Variants in KLRG2 observed in about 807,000 individuals in gnomAD.
KLRG2 encodes killer cell lectin like receptor G2.
Under a neutral mutation model 35.4 loss-of-function variants are expected in KLRG2, and 39 were observed. The observed-to-expected ratio is 1.10, with a 90% confidence interval of 0.85 to 1.44. KLRG2 has a LOEUF of 1.44. Among genes scored for constraint, KLRG2 ranks in the 40% most tolerant of loss-of-function variants. KLRG2 has a pLI of 0.00. For synonymous variants in KLRG2, 283 were observed against 265.8 expected (o/e 1.06, Z -0.63); for missense variants, 632 against 570.9 (o/e 1.11, Z -1.09).
downstream of KLRG2, among the ~76,000 whole-genome samples, chr7:139,449,055 G>A (rs757646942): frequency 2.0e-5 from 3 of 150,200 alleles, no homozygotes; most frequent in South Asian, 2.1e-4. Flanking sequence ...GCAGTGAGCC[G>A]AGATCGCACC....
chr7:139,430,078 G>A, the KLRG2 span, among the ~76,000 whole-genome samples: 1 of 152,202 alleles, frequency 6.6e-6, no homozygotes, highest in Non-Finnish European at 1.5e-5. Flanking sequence ...GCACATAAAA[G>A]GAGAATCACC....
the KLRG2 span, among the ~76,000 whole-genome samples, chr7:139,437,075 C>T: frequency 1.3e-5 from 2 of 152,166 alleles, no homozygotes; most frequent in Admixed American, 6.6e-5. Context: ...GTGAGAAAGA[C>T]GCCACTGTGC....
the KLRG2 span, among the ~76,000 whole-genome samples, chr7:139,434,046 T>C: frequency 6.6e-6 from 1 of 152,258 alleles, no homozygotes; most frequent in South Asian, 2.1e-4. Flanking sequence ...TGGGAGGAGC[T>C]GAAAGGCTCC....
In KLRG2 at chr7:139,483,386, C is replaced by A; in HGVS notation, c.257G>T (p.Gly86Val). Residue 86 changes from glycine (G) to valine (V), a missense_variant, in exon 1 of 5, where the codon GGC becomes GTC. Transcript: ENST00000340940. ...GSPRVPPLSL[G>V]YGVCPEPPSP... is the part of the protein sequence containing the mutation. ...CGGCGGCTCGGGGCAGACCCCGTAG[C>A]CCAGGCTGAGCGGCGGCACGCGCGG... 6.5e-7 allele frequency: 1 copy of A among 1,540,094 alleles called. No homozygotes were observed. Among genetic ancestry groups the A allele is most frequent in the Non-Finnish European group, 8.7e-7 (1 of 1,155,366 alleles).
chr7:139,474,652 T>C (rs1218751720), intron 3 of KLRG2, among the ~76,000 whole-genome samples: 2 of 152,106 alleles, frequency 1.3e-5, no homozygotes, highest in African/African-American at 4.8e-5. Flanking sequence ...TTCCAACTAC[T>C]TGGGAGGCTG....
chr7:139,477,536 AAGAG>A (rs1008074250), intron 3 of KLRG2, among the ~76,000 whole-genome samples: 1 of 151,968 alleles, frequency 6.6e-6, no homozygotes, highest in South Asian at 2.1e-4. Context: ...GTTCAAACCA[AAGAG>A]AGAGAGAGAA....
chr7:139,481,767 T>C (rs1415456853), intron 1 of KLRG2, among the ~76,000 whole-genome samples: 1 of 151,864 alleles, frequency 6.6e-6, no homozygotes, highest in Non-Finnish European at 1.5e-5. Flanking sequence ...CTACCAAAAA[T>C]ACAAAAACTA....
At chr7:139,472,662 T>C (rs1796779106) in intron 3 of KLRG2, among the ~76,000 whole-genome samples, 1 of 151,218 alleles carries the variant, frequency 6.6e-6, no homozygotes, top group African/African-American at 2.4e-5. Context: ...TGTAACAGCC[T>C]CATAGAGCTG....
intron 3 of KLRG2, among the ~76,000 whole-genome samples, chr7:139,455,361 G>A (rs1242085339): frequency 1.2e-4 from 15 of 127,486 alleles, no homozygotes; most frequent in Admixed American, 5.0e-4. Context: ...TCGCTCTGTT[G>A]CCCAGGCTGG....
chr7:139,445,795 G>GTATATA, the KLRG2 span, among the ~76,000 whole-genome samples: 20 of 92,100 alleles, frequency 2.2e-4, 2 homozygotes, highest in African/African-American at 1.6e-3. Flanking sequence ...ATATATATGT[G>GTATATA]TGTATATATA....
the KLRG2 span, among the ~76,000 whole-genome samples, chr7:139,433,499 A>AT: frequency 6.6e-6 from 1 of 151,398 alleles, no homozygotes; most frequent in African/African-American, 2.4e-5. Flanking sequence ...CTAATTTTGT[A>AT]TTTTTTAGTA....
the KLRG2 span, among the ~76,000 whole-genome samples, chr7:139,441,485 G>A: frequency 3.5e-4 from 53 of 152,138 alleles, no homozygotes; most frequent in Non-Finnish European, 6.6e-4. Context: ...GTGGGGGACT[G>A]GGGGAGGGAT....
chr7:139,451,912 C>T (rs1248151277), downstream of KLRG2, among the ~76,000 whole-genome samples: 1 of 151,510 alleles, frequency 6.6e-6, no homozygotes, highest in African/African-American at 2.4e-5. Flanking sequence ...TTTTGATTGG[C>T]GCCTGCCCCA....
At chr7:139,438,542 C>A in the KLRG2 span, among the ~76,000 whole-genome samples, 2 of 151,988 alleles carry the variant, frequency 1.3e-5, no homozygotes, top group African/African-American at 4.8e-5. Context: ...AATGAGATAC[C>A]ACCATACACC....
intron 3 of KLRG2, among the ~76,000 whole-genome samples, chr7:139,479,100 T>C (rs536344055): frequency 6.6e-6 from 1 of 152,146 alleles, no homozygotes; most frequent in Admixed American, 6.5e-5. Context: ...TTATTTATTT[T>C]GAGACGGAGC....
chr7:139,438,251 TGGA>T, the KLRG2 span, among the ~76,000 whole-genome samples: 1 of 152,208 alleles, frequency 6.6e-6, no homozygotes, highest in African/African-American at 2.4e-5. Context: ...ATTTTTGAGA[TGGA>T]GGTGTCTCAC....
chr7:139,482,771 A>C, intron 1 of KLRG2, 115 bp downstream of exon 1: 1 of 978,428 alleles, frequency 1.0e-6, no homozygotes. Flanking sequence ...GGGATGGCCA[A>C]CTGGGTCCCT....
the KLRG2 span, among the ~76,000 whole-genome samples, chr7:139,445,268 G>C: frequency 6.6e-6 from 1 of 152,024 alleles, no homozygotes; most frequent in East Asian, 1.9e-4. Flanking sequence ...TTTCAGTAGA[G>C]ACGGGGTTTC....
In KLRG2 at chr7:139,479,633, G is replaced by A. The variant is rs1443548260; in HGVS notation, c.999C>T (p.His333=). 1 of 1,612,622 alleles carries A rather than the reference G, an allele frequency of 6.2e-7. No individual in the cohort carries two copies. The highest frequency in any genetic ancestry group is 1.7e-5 in the Admixed American group (1 of 60,008). ...TTGGACACCCCCTTCTCACCTGGGT[G>A]TGGCTTAGCAGGGGGAGGGTAGCGT... ...AYHATLPLLS[H]TQDFLGRYPV... is the part of the protein sequence containing the mutation. Residue 333 remains histidine (H), a synonymous_variant, in exon 3 of 5, where the codon CAC becomes CAT. Transcript: ENST00000340940.
Sources: allele counts gnomAD v4.1 joint callset (sites outside exome capture counted in the v4.1 genomes callset), GRCh38; gene constraint gnomAD v4.1.1; transcripts MANE v1.5; gene names NCBI Gene and HGNC (gene_info 2026-07-23, HGNC 2026-07-21).